Variants in ATOSA observed in about 807,000 individuals in gnomAD.
ATOSA encodes the protein atos homolog protein A.
chr15:52,651,044 C>T, the ATOSA span, among the ~76,000 whole-genome samples: 131,068 of 152,176 alleles, frequency 0.86, 56,887 homozygotes, highest in East Asian at 1. Context: ...TGGTAACCTA[C>T]ACTCTGTTCA....
At chr15:52,679,798 C>T in the ATOSA span, among the ~76,000 whole-genome samples, 4 of 112,174 alleles carry the variant, frequency 3.6e-5, no homozygotes, top group Non-Finnish European at 7.4e-5. Flanking sequence ...CCTCCTCCCC[C>T]CTCCCCCTCC....
chr15:52,689,194 G>A, the ATOSA span, among the ~76,000 whole-genome samples: 1 of 151,970 alleles, frequency 6.6e-6, no homozygotes. Context: ...TTTTCTGAGA[G>A]TAATATACTT....
chr15:52,674,039 A>C, the ATOSA span, among the ~76,000 whole-genome samples: 3 of 152,230 alleles, frequency 2.0e-5, no homozygotes, highest in Non-Finnish European at 4.4e-5. Context: ...ACAGCCTACA[A>C]TGTTTTTAAA....
the ATOSA span, among the ~76,000 whole-genome samples, chr15:52,635,926 G>A: frequency 0.069 from 10,407 of 151,334 alleles, 562 homozygotes; most frequent in East Asian, 0.26. Context: ...AACCCCGGGG[G>A]CAGGGGAGGT....
chr15:52,672,593 T>G, the ATOSA span, among the ~76,000 whole-genome samples: 1 of 152,146 alleles, frequency 6.6e-6, no homozygotes, highest in Non-Finnish European at 1.5e-5. Context: ...ATTTTCATAA[T>G]TAGATCCAAA....
chr15:52,611,018 C>T, the ATOSA span: 1 of 1,230,756 alleles, frequency 8.1e-7, no homozygotes. Context: ...AAATTTTATC[C>T]ACTTACATTT....
the ATOSA span, among the ~76,000 whole-genome samples, chr15:52,646,478 G>A: frequency 2.8e-4 from 42 of 152,224 alleles, no homozygotes; most frequent in African/African-American, 7.2e-4. Flanking sequence ...CCTGAACACC[G>A]CATTCCAGGC....
the ATOSA span, among the ~76,000 whole-genome samples, chr15:52,588,330 TA>T: frequency 3.9e-5 from 6 of 152,218 alleles, no homozygotes; most frequent in Non-Finnish European, 8.8e-5. Flanking sequence ...AAGTGTATGT[TA>T]AAACAAGGTA....
chr15:52,617,934 T>G, the ATOSA span, among the ~76,000 whole-genome samples: 44 of 152,058 alleles, frequency 2.9e-4, no homozygotes, highest in African/African-American at 1.0e-3. Flanking sequence ...CACCTTGGAA[T>G]CAACCATGAC....
chr15:52,653,448 A>G, the ATOSA span, among the ~76,000 whole-genome samples: 2 of 152,138 alleles, frequency 1.3e-5, no homozygotes, highest in Non-Finnish European at 2.9e-5. Flanking sequence ...CCGGTTCCAT[A>G]CTTAGCCAGA....
At chr15:52,684,345 G>C in the ATOSA span, among the ~76,000 whole-genome samples, 3 of 152,150 alleles carry the variant, frequency 2.0e-5, no homozygotes, top group Non-Finnish European at 4.4e-5. Context: ...GACCATCCCG[G>C]GCAACATAGG....
the ATOSA span, among the ~76,000 whole-genome samples, chr15:52,706,628 C>T: frequency 2.6e-5 from 4 of 152,014 alleles, no homozygotes; most frequent in Admixed American, 6.6e-5. Flanking sequence ...GACCCAAATC[C>T]GGGAAAGTTG....
the ATOSA span, chr15:52,611,225 C>T: frequency 4.9e-5 from 79 of 1,613,620 alleles, no homozygotes; most frequent in African/African-American, 7.3e-4. Flanking sequence ...CCAACAGAAG[C>T]GTCTTCTCTT....
the ATOSA span, among the ~76,000 whole-genome samples, chr15:52,647,844 T>C: frequency 6.6e-6 from 1 of 152,168 alleles, no homozygotes; most frequent in Admixed American, 6.5e-5. Context: ...GCCTTCTATG[T>C]CTCTTCTCAT....
At chr15:52,708,851 G>T in the ATOSA span, among the ~76,000 whole-genome samples, 1 of 152,126 alleles carries the variant, frequency 6.6e-6, no homozygotes, top group Non-Finnish European at 1.5e-5. Context: ...TTTATTGCTA[G>T]TTGCTTTACT....
chr15:52,642,238 A>G, the ATOSA span, among the ~76,000 whole-genome samples: 6 of 152,234 alleles, frequency 3.9e-5, no homozygotes, highest in African/African-American at 1.2e-4. Context: ...ATCTCTCAAT[A>G]AAACAAAAAT....
the ATOSA span, chr15:52,678,298 C>T: frequency 3.4e-6 from 2 of 591,476 alleles, no homozygotes; most frequent in African/African-American, 3.7e-5. Flanking sequence ...GGATCGAGCA[C>T]CCCCTTCCCT....
At chr15:52,619,390 G>C in the ATOSA span, among the ~76,000 whole-genome samples, 1 of 152,074 alleles carries the variant, frequency 6.6e-6, no homozygotes, top group Non-Finnish European at 1.5e-5. Context: ...GAATTCAATA[G>C]ATCTAACTTG....
the ATOSA span, among the ~76,000 whole-genome samples, chr15:52,614,598 A>G: frequency 6.6e-6 from 1 of 151,992 alleles, no homozygotes; most frequent in Admixed American, 6.6e-5. Flanking sequence ...CTGTAATCCC[A>G]GCACTTTGGG....
Sources: gnomAD v4.1 joint callset for allele counts (sites outside exome capture counted in the v4.1 genomes callset) on GRCh38, gnomAD v4.1.1 for gene constraint, MANE v1.5 for transcripts, NCBI Gene and HGNC (gene_info 2026-07-23, HGNC 2026-07-21) for gene names.